Variants in STON2 observed in about 807,000 individuals in gnomAD.
STON2 encodes stonin-2.
A neutral mutation model predicts 65.7 loss-of-function variants in STON2; 29 were observed. That is an observed-to-expected ratio of 0.44 (90% CI 0.33 to 0.60). The LOEUF is 0.60. Among genes scored for constraint, STON2 ranks in the 20% least tolerant of loss-of-function variants. The pLI is 0.03. For synonymous variants in STON2, 404 were observed against 414.2 expected (o/e 0.98, Z 0.30); for missense variants, 1,054 against 1,118.1 (o/e 0.94, Z 0.82).
intron 3 of STON2, among the ~76,000 whole-genome samples, chr14:81,380,094 A>G (rs1037817506): frequency 1.3e-5 from 2 of 152,370 alleles, no homozygotes; most frequent in African/African-American, 4.8e-5. Context: ...CAAACTATGC[A>G]TCTGACAAAG....
At chr14:81,302,710 T>C (rs1203334927) in intron 5 of STON2, among the ~76,000 whole-genome samples, 1 of 152,240 alleles carries the variant, frequency 6.6e-6, no homozygotes, top group Non-Finnish European at 1.5e-5. Flanking sequence ...GAATACAGCA[T>C]GTCAAGAGAC....
Position 81,317,099 on chromosome 14 carries a change from G to A in STON2, c.742+6918C>T, listed in dbSNP as rs553097378. ...TACAAGAAGCATGGCAGCAGCATCT[G>A]CTTTTGGTGAGGCCTCAGGAGGCTT... On this transcript the variant is annotated intron_variant, in intron 5 of 7. Coordinates refer to ENST00000614646, the MANE Select transcript of STON2 (RefSeq NM_001394390.1). 4.6e-5 allele frequency among the ~76,000 whole-genome samples: 7 copies of A among 152,332 alleles called. 1 individual carries two copies. In the South Asian group the frequency reaches 1.2e-3, roughly 27 times the overall value.
intron 5 of STON2, among the ~76,000 whole-genome samples, chr14:81,322,096 G>T (rs1265367974): frequency 2.0e-5 from 3 of 152,154 alleles, no homozygotes; most frequent in African/African-American, 4.8e-5. Flanking sequence ...CTGGCCCTGG[G>T]TCTCTTCTTC....
At chr14:81,363,903 G>A (rs1898607978) in intron 4 of STON2, among the ~76,000 whole-genome samples, 1 of 152,142 alleles carries the variant, frequency 6.6e-6, no homozygotes, top group African/African-American at 2.4e-5. Flanking sequence ...GGAGCTCTAT[G>A]AGCTGCAGCA....
intron 2 of STON2, among the ~76,000 whole-genome samples, chr14:81,426,816 A>AT (rs1901998504): frequency 6.6e-6 from 1 of 152,212 alleles, no homozygotes; most frequent in Non-Finnish European, 1.5e-5. Flanking sequence ...ATTTTATAAG[A>AT]TTTCGTTTGA....
chr14:81,435,412 C>G (rs887824082), intron 1 of STON2, among the ~76,000 whole-genome samples: 2 of 152,036 alleles, frequency 1.3e-5, no homozygotes, highest in Non-Finnish European at 2.9e-5. Flanking sequence ...TAGCGCTGTG[C>G]TGGGTGTTTT....
Position 81,278,528 on chromosome 14 carries a change from C to A in STON2, c.954G>T (p.Val318=), listed in dbSNP as rs1320846388. 1.9e-6 allele frequency: 3 copies of A among 1,613,726 alleles called. No homozygotes were observed. Among genetic ancestry groups the A allele is most frequent in the African/African-American group, 2.7e-5 (2 of 74,928 alleles). ...LKPNTPPSAS[V]IPDVPYNSMG... Reference sequence around the variant, plus strand: ...TTGAATTATAAGGTACATCTGGGATCACAGATGCACTTGGTGGTGTATTTG... The same window carrying A: ...TTGAATTATAAGGTACATCTGGGATAACAGATGCACTTGGTGGTGTATTTG... Residue 318 remains valine, a synonymous_variant, in exon 6 of 8, where the codon GTG becomes GTT. Transcript: ENST00000614646.
In STON2 at chr14:81,265,069, T is replaced by C. The variant is rs2140084959; in HGVS notation, c.*3345A>G. On this transcript the variant is annotated 3_prime_UTR_variant, in exon 8 of 8. Transcript: ENST00000614646. ...CACATTATTGATAACAAAGATTATT[T>C]GTGACCACAAAAAAAAAAAATAAAA... is the stretch of plus-strand genomic sequence containing the variant. 1.0e-6 allele frequency: 1 copy of C among 983,528 alleles called. No individual in the cohort carries two copies. Among genetic ancestry groups the C allele is most frequent in the East Asian group, 1.1e-4 (1 of 8,800 alleles). 60.9% of individuals were successfully genotyped at this position (983,528 alleles called of 1,614,324 possible). A position where few individuals can be genotyped will look rare whatever the true frequency, so the allele number is the denominator to read the frequency against.
chr14:81,337,165 G>A (rs1414021111), intron 4 of STON2, among the ~76,000 whole-genome samples: 2 of 152,198 alleles, frequency 1.3e-5, no homozygotes, highest in Admixed American at 6.5e-5. Context: ...CCTGGGAAAT[G>A]TGCTCTTCAC....
At chr14:81,305,267 A>G (rs753930747) in intron 5 of STON2, among the ~76,000 whole-genome samples, 3 of 152,156 alleles carry the variant, frequency 2.0e-5, no homozygotes, top group Non-Finnish European at 4.4e-5. Flanking sequence ...GGTACTCAGG[A>G]GCAGAACTGC....
At chr14:81,371,352 AACTG>A (rs1258476489) in intron 3 of STON2, among the ~76,000 whole-genome samples, 167 bp from the exon 4 acceptor site, 5 of 152,122 alleles carry the variant, frequency 3.3e-5, no homozygotes, top group Middle Eastern at 3.2e-3. Flanking sequence ...AGACAGGAAA[AACTG>A]ACTGACTGAG....
chr14:81,272,776 G>A (rs1232603267), intron 6 of STON2, among the ~76,000 whole-genome samples: 1 of 152,134 alleles, frequency 6.6e-6, no homozygotes, highest in Admixed American at 6.6e-5. Flanking sequence ...TCATTTATGG[G>A]ACATTTATTA....
At chr14:81,324,479 C>T (rs1896936850) in intron 4 of STON2, among the ~76,000 whole-genome samples, 1 of 152,280 alleles carries the variant, frequency 6.6e-6, no homozygotes, top group African/African-American at 2.4e-5. Flanking sequence ...CATCCTTTTG[C>T]ATTTCACTCT....
intron 4 of STON2, among the ~76,000 whole-genome samples, chr14:81,339,841 A>C (rs1419884250): frequency 6.6e-6 from 1 of 152,252 alleles, no homozygotes; most frequent in Non-Finnish European, 1.5e-5. Context: ...TACACATAAC[A>C]ATATAGATGA....
intron 5 of STON2, among the ~76,000 whole-genome samples, chr14:81,291,504 T>G (rs569047000): frequency 1.3e-5 from 2 of 152,288 alleles, no homozygotes; most frequent in Admixed American, 1.3e-4. Context: ...AACAGTAGAC[T>G]TAAGGAGATA....
At position 81,260,999 on chromosome 14, in the gene STON2, C is replaced by T. The variant is rs1894118089; in HGVS notation, c.*7415G>A. The T allele has an allele frequency of 6.6e-6, 1 of 152,156 alleles. No homozygotes were observed. The highest frequency in any genetic ancestry group is 1.5e-5 in the Non-Finnish European group (1 of 68,032). The allele number at this position is 152,156 out of a possible 1,614,324, so 9.4% of individuals were successfully genotyped here. On this transcript the variant is annotated 3_prime_UTR_variant, in exon 8 of 8. Transcript: ENST00000614646. ...GTGAGGAATGGTGCTTCTCTGTCAT[C>T]GCCTGGCTAAAACACTGATTTTGAT...
At chr14:81,401,432 A>G (rs559023026), upstream of STON2, among the ~76,000 whole-genome samples, 10 of 152,180 alleles carry the variant, frequency 6.6e-5, no homozygotes, top group Non-Finnish European at 1.2e-4. Context: ...ATCATATTCC[A>G]TACCATAAAT....
At chr14:81,369,839 G>T (rs2140361847) in intron 4 of STON2, among the ~76,000 whole-genome samples, 1 of 152,294 alleles carries the variant, frequency 6.6e-6, no homozygotes, top group South Asian at 2.1e-4. Context: ...CTTCCTAACA[G>T]CCTCAGCTGC....
Position 81,278,521 on chromosome 14 carries a change from C to G in STON2, c.961G>C (p.Asp321His). Reference sequence around the variant, plus strand: ...GATCCCATTGAATTATAAGGTACATCTGGGATCACAGATGCACTTGGTGGT... The same window carrying G: ...GATCCCATTGAATTATAAGGTACATGTGGGATCACAGATGCACTTGGTGGT... ...NTPPSASVIP[D>H]VPYNSMGSFK... Residue 321 changes from aspartate to histidine, a missense_variant, in exon 6 of 8, where the codon GAT becomes CAT. Asp to His is a moderately conservative substitution (Grantham distance 81, BLOSUM62 -1). Coordinates refer to ENST00000614646, the MANE Select transcript of STON2 (RefSeq NM_001394390.1). The G allele has an allele frequency of 2.5e-6, 4 of 1,614,052 alleles. No individual in the cohort carries two copies. Among genetic ancestry groups the G allele is most frequent in the Non-Finnish European group, 3.4e-6 (4 of 1,179,950 alleles).
Sources: allele counts gnomAD v4.1 joint callset (sites outside exome capture counted in the v4.1 genomes callset), GRCh38; gene constraint gnomAD v4.1.1; transcripts MANE v1.5; gene names NCBI Gene and HGNC (gene_info 2026-07-23, HGNC 2026-07-21).